The following MBNL2 variants were observed in gnomAD, a reference collection of about 807,000 sequenced individuals.
MBNL2 encodes muscleblind like splicing regulator 2, also known as muscleblind-like protein 2.
In MBNL2, 17 loss-of-function variants were observed where a neutral mutation model predicts 41.9. The observed-to-expected ratio is 0.41, with a 90% CI of 0.28 to 0.61. MBNL2 has a LOEUF of 0.61. Ranked by LOEUF, MBNL2 falls within the 20% of genes least tolerant of loss-of-function variation. The pLI, the probability that MBNL2 is intolerant of heterozygous loss-of-function variation, is 0.35. For synonymous variants in MBNL2, 195 were observed against 182.9 expected (o/e 1.07, Z -0.53); for missense variants, 336 against 505.6 (o/e 0.66, Z 3.22).
intron 1 of MBNL2, among the ~76,000 whole-genome samples, chr13:97,252,141 C>T (rs767461042): frequency 3.9e-4 from 60 of 152,182 alleles, no homozygotes; most frequent in Non-Finnish European, 6.5e-4. Flanking sequence ...TGAGCCACCG[C>T]GCCCGGCCGT....
At chr13:97,144,878 G>A in the MBNL2 span, among the ~76,000 whole-genome samples, 17 of 152,146 alleles carry the variant, frequency 1.1e-4, no homozygotes, top group African/African-American at 1.7e-4. Context: ...CAAAGTATTC[G>A]GAAGGACCCT....
At chr13:97,316,017 C>T (rs1048573878) in intron 2 of MBNL2, among the ~76,000 whole-genome samples, 3 of 152,334 alleles carry the variant, frequency 2.0e-5, no homozygotes, top group Middle Eastern at 3.4e-3. Context: ...CCACACCTCT[C>T]TCCTGGACTC....
the MBNL2 span, among the ~76,000 whole-genome samples, chr13:97,189,675 T>C: frequency 6.6e-6 from 1 of 152,238 alleles, no homozygotes; most frequent in African/African-American, 2.4e-5. Flanking sequence ...TAAATGTGTA[T>C]GCATATTTTA....
rs1016561445 is a variant in MBNL2, at chr13:97,238,312, A to G, written c.-605+15781A>G. Reference sequence around the variant, plus strand: ...TGACACAGGCTTGGGAAAGCCTTACATTGAAGGGAATTTCCTAGGCACACT... The same window carrying G: ...TGACACAGGCTTGGGAAAGCCTTACGTTGAAGGGAATTTCCTAGGCACACT... On this transcript the variant is annotated intron_variant, in intron 1 of 8. Coordinates refer to ENST00000679496, the MANE Select transcript of MBNL2 (RefSeq NM_001382683.1). Among the ~76,000 whole-genome samples, 34 of 152,314 alleles carry G rather than the reference A, an allele frequency of 2.2e-4. 1 individual carries two copies. Among genetic ancestry groups the G allele is most frequent in the Admixed American group, 2.2e-3 (33 of 15,302 alleles).
intron 8 of MBNL2, among the ~76,000 whole-genome samples, chr13:97,384,299 T>C (rs1490641286): frequency 2.6e-5 from 4 of 152,254 alleles, no homozygotes; most frequent in Non-Finnish European, 5.9e-5. Flanking sequence ...ATTACTTTTT[T>C]ATCTGATACC....
the MBNL2 span, among the ~76,000 whole-genome samples, chr13:97,189,709 G>A: frequency 6.6e-6 from 1 of 152,070 alleles, no homozygotes; most frequent in Non-Finnish European, 1.5e-5. Context: ...ATACATGTGT[G>A]GACACATACA....
At position 97,343,132 on chromosome 13, in the gene MBNL2, G is replaced by T; in HGVS notation, c.456G>T (p.Thr152=). The T allele has an allele frequency of 7.4e-6, 12 of 1,613,972 alleles. No homozygotes were observed. The highest frequency in any genetic ancestry group is 1.0e-5 in the Non-Finnish European group (12 of 1,179,934). Residue 152 remains threonine, a synonymous_variant, in exon 4 of 9, where the codon ACG becomes ACT. Coordinates refer to ENST00000679496, the MANE Select transcript of MBNL2 (RefSeq NM_001382683.1). ...GLVPTEILPT[T]PVIVPGSPPV... ...TCCCAACGGAAATTCTGCCCACCAC[G>T]CCTGTTATTGTTCCCGGAAGTCCAC... is the stretch of plus-strand genomic sequence containing the variant.
chr13:97,213,372 A>T, the MBNL2 span, among the ~76,000 whole-genome samples: 1 of 152,220 alleles, frequency 6.6e-6, no homozygotes, highest in Admixed American at 6.5e-5. Flanking sequence ...CAAGAACACC[A>T]TACTAGTTAG....
chr13:97,356,647 T>C (rs2063013880), intron 5 of MBNL2, 149 bp from the exon 6 acceptor site: 2 of 271,800 alleles, frequency 7.4e-6, no homozygotes, highest in Middle Eastern at 4.4e-4. Flanking sequence ...ACGTTGTATA[T>C]TGCATTCAGA....
intron 2 of MBNL2, among the ~76,000 whole-genome samples, chr13:97,298,413 C>G (rs1165277355): frequency 6.6e-6 from 1 of 152,168 alleles, no homozygotes; most frequent in South Asian, 2.1e-4. Flanking sequence ...TTGCCTTCTG[C>G]TGTATCCCAA....
At chr13:97,181,403 C>T in the MBNL2 span, among the ~76,000 whole-genome samples, 5 of 152,162 alleles carry the variant, frequency 3.3e-5, no homozygotes, top group East Asian at 1.9e-4. Flanking sequence ...AAAAAAGGAA[C>T]GCAATTTTTA....
chr13:97,146,390 G>T, the MBNL2 span, among the ~76,000 whole-genome samples: 1 of 152,100 alleles, frequency 6.6e-6, no homozygotes, highest in African/African-American at 2.4e-5. Context: ...TTCCATCCAA[G>T]CATTAGGCAT....
chr13:97,222,255 A>T (rs1022245354), upstream of MBNL2: 1 of 396,100 alleles, frequency 2.5e-6, no homozygotes, highest in Non-Finnish European at 4.4e-6. Context: ...AGGGCTGACG[A>T]GCTGGCTGGG....
the MBNL2 span, among the ~76,000 whole-genome samples, chr13:97,162,182 C>T: frequency 1.2e-4 from 18 of 152,230 alleles, no homozygotes; most frequent in East Asian, 3.3e-3. Context: ...GGGAGAAATG[C>T]GCCCCTAAGA....
At position 97,365,213 on chromosome 13, in the gene MBNL2, A is replaced by T. The variant is rs758714321; in HGVS notation, c.1048+42A>T. 3 of 1,251,492 alleles carry T rather than the reference A, an allele frequency of 2.4e-6. No homozygotes were observed. In the South Asian group the frequency reaches 3.6e-5, roughly 15 times the overall value. 77.5% of individuals were successfully genotyped at this position (1,251,492 alleles called of 1,614,324 possible). On this transcript the variant is annotated intron_variant, in intron 8 of 8. Transcript: ENST00000679496. The stretch of plus-strand genomic sequence containing the variant: ...TTTATTTGTCTTTTATATGATGTAC[A>T]ATACCTTCACTTGCTTGAAATTTAT...
chr13:97,363,811 C>T (rs2063624844), intron 7 of MBNL2, among the ~76,000 whole-genome samples: 1 of 152,074 alleles, frequency 6.6e-6, no homozygotes, highest in African/African-American at 2.4e-5. Context: ...AGTTAAATAG[C>T]CCCCTCCTGA....
At chr13:97,284,265 C>T (rs1433516393) in intron 2 of MBNL2, among the ~76,000 whole-genome samples, 3 of 152,148 alleles carry the variant, frequency 2.0e-5, no homozygotes, top group Non-Finnish European at 4.4e-5. Context: ...GGCCACGCTC[C>T]CTCTGAAGCC....
chr13:97,239,023 C>G (rs190872659), intron 1 of MBNL2, among the ~76,000 whole-genome samples: 4 of 152,326 alleles, frequency 2.6e-5, no homozygotes, highest in Admixed American at 2.0e-4. Context: ...GAATTCTGCT[C>G]TACTCAAAAT....
intron 2 of MBNL2, among the ~76,000 whole-genome samples, chr13:97,297,942 G>A (rs1162101222): frequency 7.8e-6 from 1 of 127,434 alleles, no homozygotes; most frequent in Non-Finnish European, 1.8e-5. Flanking sequence ...ACATAAGCAA[G>A]CACATATAGA....
Sources: allele counts gnomAD v4.1 joint callset (sites outside exome capture counted in the v4.1 genomes callset), GRCh38; gene constraint gnomAD v4.1.1; transcripts MANE v1.5; gene names NCBI Gene and HGNC (gene_info 2026-07-23, HGNC 2026-07-21).